Variants in LRRC53 observed in about 807,000 individuals in gnomAD.
The protein encoded by LRRC53 is leucine-rich repeat-containing protein 53.
A neutral mutation model predicts 13.6 loss-of-function variants in LRRC53; 25 were observed. The observed-to-expected ratio is 1.83, with a 90% CI of 1.34 to 2.56. LRRC53 has a LOEUF of 2.56. LRRC53 is among the 30% of genes most tolerant of loss of function. The pLI, the probability that LRRC53 is intolerant of heterozygous loss-of-function variation, is 0.00. For missense variants in LRRC53, 527 were observed against 275.8 expected, an observed-to-expected ratio of 1.91 and a Z score of -6.45; for synonymous variants, 204 against 109.8, an observed-to-expected ratio of 1.86 and a Z score of -5.37.
intron 4 of LRRC53, among the ~76,000 whole-genome samples, chr1:74,474,553 G>A (rs1668097809): frequency 6.6e-6 from 1 of 152,152 alleles, no homozygotes; most frequent in African/African-American, 2.4e-5. Flanking sequence ...TCTGCTTGTT[G>A]TGAACCAATT....
At position 74,469,624 on chromosome 1, in the gene LRRC53, C is replaced by A; in HGVS notation, c.*254G>T. On this transcript the variant is annotated 3_prime_UTR_variant, in exon 5 of 5. Coordinates refer to ENST00000294635, the MANE Select transcript of LRRC53 (RefSeq NM_001382280.1). ...CTTGCTTTTGCAAGACTTGGCAAAA[C>A]TTTTCTTACTTGTTTTTTCATTCCT... is the stretch of plus-strand genomic sequence containing the variant. The A allele has an allele frequency of 3.3e-6, 1 of 301,820 alleles. No homozygotes were observed. The highest frequency in any genetic ancestry group is 6.0e-6 in the Non-Finnish European group (1 of 166,030). The allele number at this position is 301,820 out of a possible 1,614,324, so 18.7% of individuals were successfully genotyped here. A position where few individuals can be genotyped will look rare whatever the true frequency, so the allele number is the denominator to read the frequency against.
Position 74,493,828 on chromosome 1 carries a change from G to A in LRRC53, c.-26-10453C>T, listed in dbSNP as rs1239596239. Among the ~76,000 whole-genome samples, 3 of 152,192 alleles carry A rather than the reference G, an allele frequency of 2.0e-5. No individual in the cohort carries two copies. The East Asian group carries it at 5.8e-4, about 29-fold the overall frequency. ...ATGCACATTTAAAGCCTTTGCTCAA[G>A]TTGTATCCTCTGACAACATTCCATT... is the stretch of plus-strand genomic sequence containing the variant. On this transcript the variant is annotated intron_variant, in intron 1 of 4. Coordinates refer to ENST00000294635, the MANE Select transcript of LRRC53 (RefSeq NM_001382280.1).
chr1:74,517,808 G>C, the LRRC53 span, among the ~76,000 whole-genome samples: 1 of 152,132 alleles, frequency 6.6e-6, no homozygotes, highest in African/African-American at 2.4e-5. Context: ...GAATCACCTG[G>C]AAGATTTTTT....
intron 2 of LRRC53, among the ~76,000 whole-genome samples, chr1:74,481,390 G>A (rs547053694): frequency 6.6e-6 from 1 of 152,304 alleles, no homozygotes; most frequent in African/African-American, 2.4e-5. Context: ...CATAGTCAGT[G>A]TTCCATAGCA....
At chr1:74,528,496 G>A in the LRRC53 span, among the ~76,000 whole-genome samples, 1 of 152,146 alleles carries the variant, frequency 6.6e-6, no homozygotes, top group Admixed American at 6.5e-5. Context: ...GTGTGTTGGA[G>A]TGGGGAAAGG....
At position 74,475,459 on chromosome 1, in the gene LRRC53, C is replaced by A; in HGVS notation, c.1256G>T (p.Arg419Ile). The change falls in exon 4 of 5, where the codon AGA (arginine) becomes ATA (isoleucine). Residue 419 changes from arginine (R) to isoleucine (I), a missense_variant. Arg to Ile is a moderately conservative substitution (Grantham distance 97). Coordinates refer to ENST00000294635, the MANE Select transcript of LRRC53 (RefSeq NM_001382280.1). ...CTCTGAACATTCCGAATGCAGCAAT[C>A]TACCATCCTGGCAAAATAAAGTGCT... Reference protein sequence around the residue: ...VGSTLFCQDGRLLHSECSEPP... With the variant: ...VGSTLFCQDGILLHSECSEPP... 2 of 717,076 alleles carry A rather than the reference C, an allele frequency of 2.8e-6. No homozygotes were observed. Among genetic ancestry groups the A allele is most frequent in the East Asian group, 5.4e-5 (2 of 37,272 alleles). The allele number at this position is 717,076 out of a possible 1,614,324, so 44.4% of individuals were successfully genotyped here. A position where few individuals can be genotyped will look rare whatever the true frequency, so the allele number is the denominator to read the frequency against.
At chr1:74,501,263 T>C (rs1390348155) in intron 1 of LRRC53, among the ~76,000 whole-genome samples, 1 of 152,258 alleles carries the variant, frequency 6.6e-6, no homozygotes, top group East Asian at 1.9e-4. Context: ...TGTTGTTTAC[T>C]TTGTTCATTG....
upstream of LRRC53, chr1:74,512,680 T>A (rs1670289186): frequency 6.6e-6 from 1 of 152,240 alleles, no homozygotes; most frequent in Non-Finnish European, 1.5e-5. Flanking sequence ...CCTGGCTTCA[T>A]CCTTTAGTGC....
chr1:74,530,998 C>A, the LRRC53 span, among the ~76,000 whole-genome samples: 1 of 152,166 alleles, frequency 6.6e-6, no homozygotes, highest in Non-Finnish European at 1.5e-5. Context: ...ATTCATAATT[C>A]TTTGCCTAAT....
At chr1:74,532,554 C>A in the LRRC53 span, among the ~76,000 whole-genome samples, 1 of 151,756 alleles carries the variant, frequency 6.6e-6, no homozygotes, top group South Asian at 2.1e-4. Context: ...ATACATGTGC[C>A]ATGCTGGTGT....
intron 1 of LRRC53, among the ~76,000 whole-genome samples, chr1:74,483,633 C>T (rs1027194499): frequency 2.0e-4 from 30 of 152,304 alleles, no homozygotes; most frequent in African/African-American, 7.2e-4. Context: ...AATTAAGTTA[C>T]TTTGCAAAAC....
intron 1 of LRRC53, among the ~76,000 whole-genome samples, chr1:74,509,940 G>A (rs1249994633): frequency 1.3e-5 from 2 of 151,176 alleles, no homozygotes; most frequent in Non-Finnish European, 3.0e-5. Flanking sequence ...TTTTTGTAGA[G>A]ACAGGGTTTC....
the LRRC53 span, among the ~76,000 whole-genome samples, chr1:74,528,087 G>A: frequency 6.6e-6 from 1 of 152,150 alleles, no homozygotes; most frequent in Non-Finnish European, 1.5e-5. Context: ...TATGAGAAGG[G>A]TGGAGAGAAT....
the LRRC53 span, among the ~76,000 whole-genome samples, chr1:74,536,684 G>A: frequency 6.6e-6 from 1 of 151,848 alleles, no homozygotes; most frequent in African/African-American, 2.4e-5. Context: ...ACCCATATAG[G>A]AGCTAATAAT....
chr1:74,512,804 G>A (rs1036466097), upstream of LRRC53, among the ~76,000 whole-genome samples: 2 of 152,128 alleles, frequency 1.3e-5, no homozygotes, highest in Non-Finnish European at 2.9e-5. Context: ...ACTGTTGGGA[G>A]CTTCATACTG....
At chr1:74,503,126 A>C (rs190446503) in intron 1 of LRRC53, among the ~76,000 whole-genome samples, 5 of 152,298 alleles carry the variant, frequency 3.3e-5, no homozygotes, top group East Asian at 3.9e-4. Flanking sequence ...TGAATGAAAA[A>C]AACAACAACA....
At chr1:74,483,397 A>G (rs1162533948) in intron 1 of LRRC53, 22 bp from the exon 2 acceptor site, 1 of 715,590 alleles carries the variant, frequency 1.4e-6, no homozygotes, top group Non-Finnish European at 2.6e-6. Flanking sequence ...GTAGAGGGCA[A>G]TGTATATCAT....
At position 74,470,009 on chromosome 1, in the gene LRRC53, T is replaced by C. The variant is rs1667846869; in HGVS notation, c.3613A>G (p.Ser1205Gly). Residue 1205 changes from serine (S) to glycine (G), a missense_variant, in exon 5 of 5, where the codon AGT (serine) becomes GGT (glycine). Ser to Gly is a moderately conservative substitution (Grantham distance 56, BLOSUM62 0). Transcript: ENST00000294635. ...ALSFLPGLKD[S>G]FEAENEVFLV... ...AACACCTCATTTTCTGCCTCAAAAC[T>C]GTCTTTTAACCCTGGTAAGAAGGAA... 5.0e-6 allele frequency: 2 copies of C among 400,628 alleles called. No homozygotes were observed. The highest frequency in any genetic ancestry group is 8.8e-6 in the Non-Finnish European group (2 of 226,182). 24.8% of individuals were successfully genotyped at this position (400,628 alleles called of 1,614,324 possible). A position where few individuals can be genotyped will look rare whatever the true frequency, so the allele number is the denominator to read the frequency against.
upstream of LRRC53, among the ~76,000 whole-genome samples, chr1:74,514,271 G>T (rs563665670): frequency 5.9e-5 from 9 of 152,232 alleles, no homozygotes; most frequent in African/African-American, 2.2e-4. Context: ...GTTTTAAAGC[G>T]TTTTCACACA....
Sources: allele counts gnomAD v4.1 joint callset (sites outside exome capture counted in the v4.1 genomes callset), GRCh38; gene constraint gnomAD v4.1.1; transcripts MANE v1.5; gene names NCBI Gene and HGNC (gene_info 2026-07-23, HGNC 2026-07-21).